Variants in BCL7B observed in about 807,000 individuals in gnomAD.
BCL7B encodes BAF chromatin remodeling complex subunit BCL7B, also known as B-cell CLL/lymphoma 7 protein family member B.
Under a neutral mutation model 26.5 loss-of-function variants are expected in BCL7B, and 11 were observed. That is an observed-to-expected ratio of 0.42 (90% CI 0.26 to 0.69). BCL7B has a LOEUF of 0.69. Ranked by LOEUF, BCL7B falls within the 30% of genes least tolerant of loss-of-function variation. The probability of loss-of-function intolerance (pLI) is 0.28; values close to 1 mark genes in which losing one functional copy is unlikely to be tolerated. For synonymous variants in BCL7B, 111 were observed against 107.9 expected (o/e 1.03, Z -0.18); for missense variants, 215 against 264.4 (o/e 0.81, Z 1.30).
At chr7:73,555,178 G>T (rs1456021951) in intron 1 of BCL7B, among the ~76,000 whole-genome samples, 1 of 152,074 alleles carries the variant, frequency 6.6e-6, no homozygotes, top group Non-Finnish European at 1.5e-5. Context: ...GGTCATGGTG[G>T]GAGGACCACT....
intron 3 of BCL7B, among the ~76,000 whole-genome samples, chr7:73,540,790 A>G (rs1791732835): frequency 8.1e-6 from 1 of 122,858 alleles, no homozygotes; most frequent in African/African-American, 3.1e-5. Context: ...AGATCGCGCC[A>G]TTGCACTCCA....
intron 5 of BCL7B, among the ~76,000 whole-genome samples, chr7:73,537,652 C>A (rs551868810): frequency 2.0e-5 from 3 of 152,266 alleles, no homozygotes; most frequent in Non-Finnish European, 4.4e-5. Flanking sequence ...CATTGGGAGG[C>A]TGAGATGGGT....
Position 73,543,571 on chromosome 7 carries a change from G to A in BCL7B, c.242C>T (p.Ser81Phe). The change falls in exon 3 of 6, where the codon TCC (serine) becomes TTC (phenylalanine). Residue 81 changes from serine (S) to phenylalanine (F), a missense_variant. Ser to Phe is a radical substitution (Grantham distance 155, BLOSUM62 -2). Coordinates refer to ENST00000223368, the MANE Select transcript of BCL7B (RefSeq NM_001707.4). The part of the protein sequence containing the change: ...NGFPSDASAN[S>F]SLLLEFQDEN... Reference sequence around the variant, plus strand: ...ACCCTGGAATTCAAGAAGGAGAGAGGAATTGGCTGAGGCATCAGAAGGAAA... The same window carrying A: ...ACCCTGGAATTCAAGAAGGAGAGAGAAATTGGCTGAGGCATCAGAAGGAAA... The A allele has an allele frequency of 6.2e-7, 1 of 1,613,756 alleles. No individual in the cohort carries two copies. Among genetic ancestry groups the A allele is most frequent in the Non-Finnish European group, 8.5e-7 (1 of 1,179,870 alleles).
rs1253927807 is a variant in BCL7B, at chr7:73,536,702, C to T, written c.*596G>A. 1.3e-5 allele frequency: 2 copies of T among 152,826 alleles called. No individual in the cohort carries two copies. Among genetic ancestry groups the T allele is most frequent in the Non-Finnish European group, 2.9e-5 (2 of 68,496 alleles). 9.5% of individuals were successfully genotyped at this position (152,826 alleles called of 1,614,324 possible). On this transcript the variant is annotated 3_prime_UTR_variant, in exon 6 of 6. Coordinates refer to ENST00000223368, the MANE Select transcript of BCL7B (RefSeq NM_001707.4). The stretch of plus-strand genomic sequence containing the variant: ...GGGGACGGCGGCCACAAAGGGCTGT[C>T]AGCAGCTAGGGTGCCCGTGAGAGGT...
rs1554582097 is a variant in BCL7B, at chr7:73,536,358, T to C, written c.*940A>G. 6.9e-6 allele frequency: 1 copy of C among 144,148 alleles called. No homozygotes were observed. The highest frequency in any genetic ancestry group is 1.5e-5 in the Non-Finnish European group (1 of 66,408). The allele number at this position is 144,148 out of a possible 1,614,324, so 8.9% of individuals were successfully genotyped here. ...GAAGCACTCAGATACCAACAGGACA[T>C]ATTTCAAATAGTTTAATTTTAAAAA... is the stretch of plus-strand genomic sequence containing the variant. On this transcript the variant is annotated 3_prime_UTR_variant, in exon 6 of 6. Transcript: ENST00000223368.
intron 3 of BCL7B, chr7:73,540,289 T>C: frequency 2.1e-6 from 1 of 469,812 alleles, no homozygotes; most frequent in East Asian, 3.5e-5. Flanking sequence ...AAACTCTTCT[T>C]TATTATCCAC....
At chr7:73,543,863 G>T in intron 2 of BCL7B, 1 of 492,848 alleles carries the variant, frequency 2.0e-6, no homozygotes, top group Non-Finnish European at 3.7e-6. Flanking sequence ...GGAATACTGT[G>T]AATCATAAGC....
intron 2 of BCL7B, among the ~76,000 whole-genome samples, chr7:73,544,773 C>T (rs1195975554): frequency 6.6e-6 from 1 of 152,010 alleles, no homozygotes; most frequent in African/African-American, 2.4e-5. Flanking sequence ...CAAGAAAGCC[C>T]AAGGGCCAGG....
Position 73,543,650 on chromosome 7 carries a change from A to G in BCL7B, c.169-6T>C, listed in dbSNP as rs1554583192. The G allele has an allele frequency of 1.2e-6, 2 of 1,611,014 alleles. No individual in the cohort carries two copies. Among genetic ancestry groups the G allele is most frequent in the Admixed American group, 1.7e-5 (1 of 59,858 alleles). ...TTCGATTTTGACTTTTCTTTCTAGA[A>G]AAGGAAAAAAAGAGGAATATGACAG... On this transcript the variant is annotated splice_polypyrimidine_tract_variant and splice_region_variant and intron_variant, in intron 2 of 5. Transcript: ENST00000223368.
intron 1 of BCL7B, among the ~76,000 whole-genome samples, chr7:73,556,237 G>A (rs1384865086): frequency 6.6e-6 from 1 of 152,200 alleles, no homozygotes; most frequent in Non-Finnish European, 1.5e-5. Flanking sequence ...TGGGGAAATG[G>A]ACAGATAAAC....
At chr7:73,542,686 C>T (rs1490412381) in intron 3 of BCL7B, 3 of 191,016 alleles carry the variant, frequency 1.6e-5, no homozygotes, top group East Asian at 1.2e-4. Flanking sequence ...ATCATGACTA[C>T]GGTGATGATC....
In BCL7B at chr7:73,552,177, TC is replaced by T. The variant is rs1376959992; in HGVS notation, c.157del (p.Asp53ThrfsTer69). ...TTCTTCCACACTTACCTCCTTGCTGTCTGTCACAGGAACCCACTTAAATATC... is the reference window on the plus strand; with the variant it reads ...TTCTTCCACACTTACCTCCTTGCTGTTGTCACAGGAACCCACTTAAATATC... ...LRIFKWVPVT[D>X]SKEKEKSKSN... On this transcript the variant is annotated frameshift_variant, in exon 2 of 6. Coordinates refer to ENST00000223368, the MANE Select transcript of BCL7B (RefSeq NM_001707.4). LOFTEE classifies it high-confidence loss of function. 6.2e-7 allele frequency: 1 copy of T among 1,609,636 alleles called. No individual in the cohort carries two copies. Among genetic ancestry groups the T allele is most frequent in the Non-Finnish European group, 8.5e-7 (1 of 1,178,672 alleles).
At chr7:73,553,732 A>T (rs1167370687) in intron 1 of BCL7B, 1 of 154,542 alleles carries the variant, frequency 6.5e-6, no homozygotes, top group Non-Finnish European at 1.5e-5. Flanking sequence ...TTTGAAGTTC[A>T]AAGCTTTGTA....
intron 2 of BCL7B, among the ~76,000 whole-genome samples, chr7:73,551,256 C>T (rs1554584103): frequency 1.3e-5 from 2 of 152,164 alleles, no homozygotes; most frequent in Non-Finnish European, 2.9e-5. Flanking sequence ...GCACCACAGA[C>T]AATAAGGAAA....
Position 73,557,612 on chromosome 7 carries a change from G to A in BCL7B, c.-34C>T. ...CGGGAGCGGCGGGGGCCGGGGCACTGCTCCCAAGACACCGGGGATCGCGCG... is the reference window on the plus strand; with the variant it reads ...CGGGAGCGGCGGGGGCCGGGGCACTACTCCCAAGACACCGGGGATCGCGCG... On this transcript the variant is annotated 5_prime_UTR_variant, in exon 1 of 6. Transcript: ENST00000223368. The A allele has an allele frequency of 1.7e-6, 2 of 1,191,868 alleles. No homozygotes were observed. Among genetic ancestry groups the A allele is most frequent in the African/African-American group, 1.6e-5 (1 of 62,070 alleles). 73.8% of individuals were successfully genotyped at this position (1,191,868 alleles called of 1,614,324 possible). A position where few individuals can be genotyped will look rare whatever the true frequency, so the allele number is the denominator to read the frequency against.
intron 2 of BCL7B, among the ~76,000 whole-genome samples, chr7:73,551,458 G>A (rs1450629146): frequency 2.0e-5 from 3 of 152,082 alleles, no homozygotes; most frequent in Non-Finnish European, 4.4e-5. Flanking sequence ...CTGCCAGCAG[G>A]CCTAGCTACT....
At chr7:73,555,326 C>A (rs781987312) in intron 1 of BCL7B, among the ~76,000 whole-genome samples, 2 of 148,568 alleles carry the variant, frequency 1.3e-5, no homozygotes, top group African/African-American at 5.1e-5. Context: ...TGCTTGAACC[C>A]GGGAAGCAGA....
At chr7:73,550,552 A>G (rs956986829) in intron 2 of BCL7B, among the ~76,000 whole-genome samples, 4 of 138,554 alleles carry the variant, frequency 2.9e-5, no homozygotes, top group Non-Finnish European at 6.7e-5. Flanking sequence ...TCAAAAAAAC[A>G]AAAAAGCAAA....
chr7:73,550,523 G>T (rs112098281), intron 2 of BCL7B, among the ~76,000 whole-genome samples: 14 of 151,664 alleles, frequency 9.2e-5, no homozygotes, highest in African/African-American at 3.4e-4. Flanking sequence ...CCAGCCTGGC[G>T]ACAGAGCGAG....
Sources: allele counts gnomAD v4.1 joint callset (sites outside exome capture counted in the v4.1 genomes callset), GRCh38; gene constraint gnomAD v4.1.1; transcripts MANE v1.5; gene names NCBI Gene and HGNC (gene_info 2026-07-23, HGNC 2026-07-21).